Variants in AKAP8 observed in about 807,000 individuals in gnomAD.
AKAP8 encodes the protein A-kinase anchoring protein 8, also known as A-kinase anchor protein 8.
Under a neutral mutation model 67.5 loss-of-function variants are expected in AKAP8, and 24 were observed. The observed-to-expected ratio is 0.36, with a 90% CI of 0.26 to 0.50. AKAP8 has a LOEUF of 0.50. AKAP8 is among the 20% of genes least tolerant of loss of function. The probability of loss-of-function intolerance (pLI) is 0.97; values close to 1 mark genes in which losing one functional copy is unlikely to be tolerated. For synonymous variants in AKAP8, 400 were observed against 371.1 expected (o/e 1.08, Z -0.90); for missense variants, 971 against 955.9 (o/e 1.02, Z -0.21).
chr19:15,372,390 A>G (rs1568253090), intron 5 of AKAP8, 43 bp from the exon 6 acceptor site: 1 of 1,602,432 alleles, frequency 6.2e-7, no homozygotes, highest in Non-Finnish European at 8.5e-7. Context: ...TACGAGGGCC[A>G]TGAAGATGCC....
intron 2 of AKAP8, among the ~76,000 whole-genome samples, chr19:15,375,256 C>T (rs561048933): frequency 1.3e-4 from 20 of 152,164 alleles, no homozygotes; most frequent in Non-Finnish European, 8.8e-5. Flanking sequence ...GTTCGCCACA[C>T]AAGCCTAGCA....
chr19:15,361,692 C>CT lies in AKAP8; in HGVS notation c.1396+36_1396+37insA. ...CGGGTCCTGTCACATGCCTTACTAC[C>CT]ATCCAGGAAAGCACTCATCCTGGGA... On this transcript the variant is annotated intron_variant, in intron 11 of 13. Transcript: ENST00000269701. 3.2e-6 allele frequency: 5 copies of CT among 1,561,776 alleles called. No homozygotes were observed. In the South Asian group the frequency reaches 5.6e-5, roughly 17 times the overall value.
At chr19:15,378,013 G>A (rs764422852) in intron 1 of AKAP8, among the ~76,000 whole-genome samples, 13 of 152,152 alleles carry the variant, frequency 8.5e-5, no homozygotes, top group Non-Finnish European at 1.3e-4. Flanking sequence ...ACTTTGATGA[G>A]GCAGGAACAT....
Position 15,355,149 on chromosome 19 carries a change from G to C in AKAP8, c.1845C>G (p.Ala615=). The C allele has an allele frequency of 6.8e-6, 11 of 1,613,050 alleles. No homozygotes were observed. The highest frequency in any genetic ancestry group is 9.3e-6 in the Non-Finnish European group (11 of 1,180,022). ...GCTGTTCGGCTTGAGGATCACTACCGGCCTCCGCTGTGTCCGTGGGGCCTT... is the reference window on the plus strand; with the variant it reads ...GCTGTTCGGCTTGAGGATCACTACCCGCCTCCGCTGTGTCCGTGGGGCCTT... The part of the protein sequence containing the change: ...EDEGPTDTAE[A]GSDPQAEQLL... Residue 615 remains alanine, a synonymous_variant, in exon 14 of 14, where the codon GCC becomes GCG. Coordinates refer to ENST00000269701, the MANE Select transcript of AKAP8 (RefSeq NM_005858.4).
intron 9 of AKAP8, among the ~76,000 whole-genome samples, chr19:15,364,108 CAAAAAAA>C (rs71176406): frequency 3.8e-5 from 2 of 52,344 alleles, no homozygotes; most frequent in Admixed American, 3.9e-4. Context: ...TGGCAGTGGG[CAAAAAAA>C]AAAAAAAAAA....
In AKAP8 at chr19:15,367,642, C is replaced by T. The variant is rs777250702; in HGVS notation, c.1160+593G>A. On this transcript the variant is annotated intron_variant, in intron 9 of 13. Transcript: ENST00000269701. ...GTTTCTAGTCAGAAGCCACTTAACT[C>T]CTGGCAGGGAGAGGCAGGCACATGG... Among the ~76,000 whole-genome samples, 8 of 152,372 alleles carry T rather than the reference C, an allele frequency of 5.3e-5. No homozygotes were observed. In the South Asian group the frequency reaches 1.4e-3, roughly 28 times the overall value.
In AKAP8 at chr19:15,370,162, G is replaced by A; in HGVS notation, c.1056C>T (p.Asp352=). Residue 352 remains aspartate, a synonymous_variant, in exon 8 of 14, where the codon GAC becomes GAT. Coordinates refer to ENST00000269701, the MANE Select transcript of AKAP8 (RefSeq NM_005858.4). ...EEFKGEDELC[D]SGRQRGEKED... ...GATGCCTACCTCTTTGCCTCCCAGA[G>A]TCGCAGAGTTCATCCTCCTGGAAAA... The A allele has an allele frequency of 6.2e-7, 1 of 1,614,152 alleles. No individual in the cohort carries two copies.
At position 15,366,481 on chromosome 19, in the gene AKAP8, C is replaced by CT. The variant is rs955958785; in HGVS notation, c.1160+1753dup. Among the ~76,000 whole-genome samples, 253 of 146,228 alleles carry CT rather than the reference C, an allele frequency of 1.7e-3. 1 individual carries two copies. The highest frequency in any genetic ancestry group is 0.011 in the Middle Eastern group (3 of 280). On this transcript the variant is annotated intron_variant, in intron 9 of 13. Coordinates refer to ENST00000269701, the MANE Select transcript of AKAP8 (RefSeq NM_005858.4). ...GCTTCGTTTTGCTAAGCATTTCTCT[C>CT]TTTTTTTTTTGAATCCTTGATTTAA...
intron 2 of AKAP8, among the ~76,000 whole-genome samples, chr19:15,376,313 G>C (rs777204441): frequency 6.6e-6 from 1 of 152,088 alleles, no homozygotes; most frequent in Admixed American, 6.5e-5. Context: ...TCAGGAGTTC[G>C]AGACCAGCTT....
rs889086735 is a variant in AKAP8, at chr19:15,369,736, C to G, written c.1072+410G>C. 6.6e-6 allele frequency among the ~76,000 whole-genome samples: 1 copy of G among 152,206 alleles called. No homozygotes were observed. Among genetic ancestry groups the G allele is most frequent in the South Asian group, 2.1e-4 (1 of 4,834 alleles). The stretch of plus-strand genomic sequence containing the variant: ...CACCACAGAGGCCCACAGCACAGCC[C>G]AGGGCAGGCGACTGAAGGAACTGGA... On this transcript the variant is annotated intron_variant, in intron 8 of 13. Coordinates refer to ENST00000269701, the MANE Select transcript of AKAP8 (RefSeq NM_005858.4). This position sits in a 1 kb window ranked among gnomAD's most constrained non-coding sequence, Gnocchi z 4.6.
intron 9 of AKAP8, among the ~76,000 whole-genome samples, chr19:15,366,564 C>G (rs1967074477): frequency 6.7e-6 from 1 of 149,994 alleles, no homozygotes; most frequent in Non-Finnish European, 1.5e-5. Flanking sequence ...TGGAGTCTTG[C>G]TCCGTCGCCC....
chr19:15,378,342 G>A (rs372901060), intron 1 of AKAP8, among the ~76,000 whole-genome samples: 2 of 152,120 alleles, frequency 1.3e-5, no homozygotes, highest in African/African-American at 4.8e-5. Flanking sequence ...TAAGTGGCAC[G>A]CACTATTAAC....
chr19:15,373,763 G>A, intron 4 of AKAP8, 23 bp downstream of exon 4: 5 of 1,593,804 alleles, frequency 3.1e-6, no homozygotes, highest in Non-Finnish European at 4.3e-6. Flanking sequence ...GGGTCCCGGG[G>A]GAGGGCTTGG....
chr19:15,370,263 G>A, intron 7 of AKAP8, 84 bp from the exon 8 acceptor site: 1 of 1,506,440 alleles, frequency 6.6e-7, no homozygotes, highest in Admixed American at 1.7e-5. Flanking sequence ...GCCACTGCCT[G>A]GTGGGCAGTC....
At position 15,373,805 on chromosome 19, in the gene AKAP8, C is replaced by T. The variant is rs1384334246; in HGVS notation, c.352G>A (p.Gly118Ser). The T allele has an allele frequency of 1.2e-6, 2 of 1,610,008 alleles. No individual in the cohort carries two copies. The highest frequency in any genetic ancestry group is 1.7e-6 in the Non-Finnish European group (2 of 1,179,684). The change falls in exon 4 of 14, where the codon GGC (glycine) becomes AGC (serine). Residue 118 changes from glycine (G) to serine (S), a missense_variant. Physicochemically the swap from Gly to Ser is moderately conservative, Grantham distance 56. Around this residue, in one of 3 missense-constraint regions of AKAP8, gnomAD observed 763 missense variants for 745.4 expected, o/e 1.02. Transcript: ENST00000269701. ...GRGGSGGGGE[G>S]IQDRESSFRF... ...AATCACCTCTCCCGGTCCTGTATGC[C>T]CTCCCCACCGCCGCCGCTCCCGCCC...
Position 15,369,670 on chromosome 19 carries a change from C to A in AKAP8, c.1072+476G>T, listed in dbSNP as rs147754696. On this transcript the variant is annotated intron_variant, in intron 8 of 13. Transcript: ENST00000269701. The surrounding 1 kb of genome is among the most constrained non-coding windows in gnomAD (Gnocchi z 4.6). The stretch of plus-strand genomic sequence containing the variant: ...CCGCAGGTGTCTGCTGTCACACACT[C>A]GCAGGCACGAAGCAATGTGCAGTGC... 6.6e-6 allele frequency among the ~76,000 whole-genome samples: 1 copy of A among 152,210 alleles called. No individual in the cohort carries two copies. The highest frequency in any genetic ancestry group is 2.4e-5 in the African/African-American group (1 of 41,454).
At chr19:15,377,543 A>T (rs2145089543) in intron 1 of AKAP8, among the ~76,000 whole-genome samples, 1 of 152,212 alleles carries the variant, frequency 6.6e-6, no homozygotes, top group African/African-American at 2.4e-5. Flanking sequence ...ATCTCGGCTC[A>T]CTGCAAGCTC....
At chr19:15,378,010 T>C (rs1243073369) in intron 1 of AKAP8, among the ~76,000 whole-genome samples, 4 of 152,210 alleles carry the variant, frequency 2.6e-5, no homozygotes, top group African/African-American at 9.7e-5. Flanking sequence ...TTCACTTTGA[T>C]GAGGCAGGAA....
chr19:15,371,070 G>A (rs1967149000), intron 7 of AKAP8, among the ~76,000 whole-genome samples: 1 of 152,120 alleles, frequency 6.6e-6, no homozygotes, highest in African/African-American at 2.4e-5. Flanking sequence ...CTAATCTCAA[G>A]ACCAGCAAAA....
Sources: allele counts gnomAD v4.1 joint callset (sites outside exome capture counted in the v4.1 genomes callset), GRCh38; gene constraint gnomAD v4.1.1; regional missense constraint gnomAD v4.1.1; non-coding constraint Gnocchi (gnomAD v3.1); transcripts MANE v1.5; gene names NCBI Gene and HGNC (gene_info 2026-07-23, HGNC 2026-07-21).